GPR39: variants seen among roughly 807,000 people sequenced by gnomAD.
The protein encoded by GPR39 is zinc sensing receptor.
GPR39 carries 23 observed loss-of-function variants against 18.4 expected under a neutral mutation model. The ratio of observed to expected loss-of-function variants is 1.25; its 90% confidence interval spans 0.90 to 1.77. The LOEUF (loss-of-function observed/expected upper bound fraction) is 1.77. GPR39 is among the 40% of genes most tolerant of loss of function. The pLI is 0.00. For missense variants in GPR39, 647 were observed against 602.4 expected (o/e 1.07, Z -0.78); for synonymous variants, 280 against 257.9 (o/e 1.09, Z -0.82).
chr2:132,580,150 G>A (rs945855459), intron 1 of GPR39, among the ~76,000 whole-genome samples: 3 of 152,234 alleles, frequency 2.0e-5, no homozygotes, highest in East Asian at 1.9e-4. Context: ...AGGATGGTAT[G>A]TAAAGTCTCT....
At chr2:132,435,325 A>G (rs935399863) in intron 1 of GPR39, among the ~76,000 whole-genome samples, 2 of 152,132 alleles carry the variant, frequency 1.3e-5, no homozygotes, top group Non-Finnish European at 2.9e-5. Context: ...CCTATTCAAC[A>G]TGAAGATGAT....
At chr2:132,426,446 C>T (rs546060308) in intron 1 of GPR39, among the ~76,000 whole-genome samples, 9 of 152,156 alleles carry the variant, frequency 5.9e-5, no homozygotes, top group African/African-American at 1.4e-4. Context: ...AATGACTAGG[C>T]GCTGCATAAA....
chr2:132,563,465 T>A (rs1385469818), intron 1 of GPR39, among the ~76,000 whole-genome samples: 3 of 152,180 alleles, frequency 2.0e-5, no homozygotes, highest in African/African-American at 7.2e-5. Flanking sequence ...TTCCAGCTAC[T>A]TGGGAGGCTG....
chr2:132,462,375 T>G (rs1210547518), intron 1 of GPR39, among the ~76,000 whole-genome samples: 5 of 152,212 alleles, frequency 3.3e-5, no homozygotes. Flanking sequence ...AACTGAAACC[T>G]ACTTCTCAGG....
intron 1 of GPR39, among the ~76,000 whole-genome samples, chr2:132,601,445 G>A (rs543313961): frequency 2.6e-5 from 4 of 151,884 alleles, no homozygotes; most frequent in Non-Finnish European, 5.9e-5. Context: ...AAAACATTAG[G>A]TATAGAAGAA....
intron 1 of GPR39, among the ~76,000 whole-genome samples, chr2:132,591,249 C>T (rs1680831708): frequency 8.7e-6 from 1 of 114,580 alleles, no homozygotes; most frequent in Non-Finnish European, 1.6e-5. Context: ...CAGAGCGAGA[C>T]TCCGTCTCAA....
chr2:132,511,006 C>A (rs57453250), intron 1 of GPR39, among the ~76,000 whole-genome samples: 16,879 of 152,168 alleles, frequency 0.11, 986 homozygotes, highest in East Asian at 0.17. Flanking sequence ...GTATTATTTG[C>A]AGACATACCA....
In GPR39 at chr2:132,605,694, G is replaced by T. The variant is rs142906067; in HGVS notation, c.857-39407G>T. 2.6e-5 allele frequency among the ~76,000 whole-genome samples: 4 copies of T among 152,284 alleles called. No homozygotes were observed. The East Asian group carries it at 7.7e-4, about 29-fold the overall frequency. On this transcript the variant is annotated intron_variant, in intron 1 of 1. Transcript: ENST00000329321. ...GAGGACGGATGCTATTTGGCAGTGG[G>T]ATTTAATGAATCCAGCAGTGCCTTG...
intron 1 of GPR39, among the ~76,000 whole-genome samples, chr2:132,482,179 C>T (rs1355992871): frequency 6.6e-6 from 1 of 152,192 alleles, no homozygotes; most frequent in Non-Finnish European, 1.5e-5. Context: ...CTGATTAGAT[C>T]CAGACCTTAG....
intron 1 of GPR39, among the ~76,000 whole-genome samples, chr2:132,494,048 G>C (rs551895223): frequency 6.6e-6 from 1 of 152,256 alleles, no homozygotes; most frequent in East Asian, 1.9e-4. Flanking sequence ...AGAGCAGAAG[G>C]CAGGTTATGG....
intron 1 of GPR39, among the ~76,000 whole-genome samples, chr2:132,523,432 C>G (rs1160902901): frequency 2.0e-5 from 3 of 151,866 alleles, no homozygotes; most frequent in Admixed American, 2.0e-4. Context: ...TGTGAAAATT[C>G]TATTGCCCAT....
chr2:132,468,971 T>C (rs1680980963), intron 1 of GPR39, among the ~76,000 whole-genome samples: 1 of 152,216 alleles, frequency 6.6e-6, no homozygotes. Flanking sequence ...CCAGAGAATG[T>C]TGCCCTTGAG....
In GPR39 at chr2:132,645,942, C is replaced by T; in HGVS notation, c.*336C>T. ...AGAGAACACGGACTCCCGCTCCCTACCCAGAATAAAAGGACACCCAGAAGA... is the reference window on the plus strand; with the variant it reads ...AGAGAACACGGACTCCCGCTCCCTATCCAGAATAAAAGGACACCCAGAAGA... On this transcript the variant is annotated 3_prime_UTR_variant, in exon 2 of 2. Coordinates refer to ENST00000329321, the MANE Select transcript of GPR39 (RefSeq NM_001508.3). 1.2e-6 allele frequency: 1 copy of T among 860,224 alleles called. No individual in the cohort carries two copies. Among genetic ancestry groups the T allele is most frequent in the Non-Finnish European group, 1.8e-6 (1 of 567,030 alleles). The allele number at this position is 860,224 out of a possible 1,614,324, so 53.3% of individuals were successfully genotyped here.
At position 132,493,456 on chromosome 2, in the gene GPR39, CATATATATATACACCAT is replaced by C. The variant is rs1238577874; in HGVS notation, c.856+75604_856+75620del. Among the ~76,000 whole-genome samples the C allele has an allele frequency of 2.4e-3, 335 of 140,928 alleles. 2 individuals carry two copies. The highest frequency in any genetic ancestry group is 8.2e-3 in the African/African-American group (310 of 37,622). 92.5% of individuals were successfully genotyped at this position (140,928 alleles called of 152,430 possible). On this transcript the variant is annotated intron_variant, in intron 1 of 1. Transcript: ENST00000329321. ...ATACACACACCATATATATACACAC[CATATATATATACACCAT>C]ATATATATATACACCATATATATAT...
At chr2:132,470,733 G>A (rs371028431) in intron 1 of GPR39, among the ~76,000 whole-genome samples, 1 of 151,522 alleles carries the variant, frequency 6.6e-6, no homozygotes, top group Non-Finnish European at 1.5e-5. Context: ...CCCAGCCTGG[G>A]CAGGGGAGAC....
intron 1 of GPR39, among the ~76,000 whole-genome samples, chr2:132,601,971 T>C (rs1681050218): frequency 6.6e-6 from 1 of 151,324 alleles, no homozygotes; most frequent in Non-Finnish European, 1.5e-5. Flanking sequence ...AAAATGACAA[T>C]ACTACCCAAA....
At chr2:132,478,403 ATT>A (rs5834315) in intron 1 of GPR39, among the ~76,000 whole-genome samples, 65,636 of 152,044 alleles carry the variant, frequency 0.43, 17,798 homozygotes, top group Non-Finnish European at 0.61. Flanking sequence ...AACACAGATC[ATT>A]GTTAGACCCA....
chr2:132,461,155 C>T (rs1680823412), intron 1 of GPR39, among the ~76,000 whole-genome samples: 2 of 152,152 alleles, frequency 1.3e-5, no homozygotes, highest in African/African-American at 2.4e-5. Context: ...GTAGTATTCT[C>T]ATTCTGCAGA....
intron 1 of GPR39, among the ~76,000 whole-genome samples, chr2:132,510,980 T>C (rs945873054): frequency 6.6e-6 from 1 of 152,168 alleles, no homozygotes; most frequent in South Asian, 2.1e-4. Context: ...GATTAAAGGG[T>C]TTCTTTATCC....
Sources: allele counts gnomAD v4.1 joint callset (sites outside exome capture counted in the v4.1 genomes callset), GRCh38; gene constraint gnomAD v4.1.1; transcripts MANE v1.5; gene names NCBI Gene and HGNC (gene_info 2026-07-23, HGNC 2026-07-21).